SKOR2: variants seen among roughly 807,000 people sequenced by gnomAD.
SKOR2 encodes LBX1 corepressor 1-like protein.
A neutral mutation model predicts 69.1 loss-of-function variants in SKOR2; 47 were observed. The ratio of observed to expected loss-of-function variants is 0.68; its 90% CI spans 0.54 to 0.87. SKOR2 has a LOEUF of 0.87. Ranked by LOEUF, SKOR2 falls within the 40% of genes least tolerant of loss-of-function variation. SKOR2 has a pLI of 0.00. For synonymous variants in SKOR2, 717 were observed against 672.6 expected (o/e 1.07, Z -1.02); for missense variants, 1,404 against 1,472.2 (o/e 0.95, Z 0.76).
intron 4 of SKOR2, among the ~76,000 whole-genome samples, chr18:47,238,848 A>G (rs1655875369): frequency 6.6e-6 from 1 of 152,214 alleles, no homozygotes; most frequent in Non-Finnish European, 1.5e-5. Flanking sequence ...CAATCTTTGC[A>G]TGCTGCTCCC....
Position 47,247,971 on chromosome 18 carries a change from A to T in SKOR2, c.1213T>A (p.Phe405Ile). ...GCAGGGAAGGTGTAGGGGTGCGGGAAGAGCCCGCCGCAGCCCGGGAACTTC... is the reference window on the plus strand; with the variant it reads ...GCAGGGAAGGTGTAGGGGTGCGGGATGAGCCCGCCGCAGCCCGGGAACTTC... Reference protein sequence around the residue: ...LQKFPGCGGLFPHPYTFPAAA... With the variant: ...LQKFPGCGGLIPHPYTFPAAA... Residue 405 changes from phenylalanine (F) to isoleucine (I), a missense_variant, in exon 2 of 9, where the codon TTC becomes ATC. Phe to Ile is a conservative substitution (Grantham distance 21). Around this residue, in one of 3 missense-constraint regions of SKOR2, gnomAD observed 1,266 missense variants for 1,309.9 expected, o/e 0.97. Transcript: ENST00000425639. The surrounding 1 kb of genome is among the most constrained non-coding windows in gnomAD (Gnocchi z 6.6). The T allele has an allele frequency of 7.3e-7, 1 of 1,376,020 alleles. No homozygotes were observed. Among genetic ancestry groups the T allele is most frequent in the South Asian group, 1.7e-5 (1 of 59,186 alleles). The allele number at this position is 1,376,020 out of a possible 1,614,324, so 85.2% of individuals were successfully genotyped here. A position where few individuals can be genotyped will look rare whatever the true frequency, so the allele number is the denominator to read the frequency against.
rs953322244 is a variant in SKOR2, at chr18:47,248,064, C to T, written c.1120G>A (p.Ala374Thr). ...AGAGAGAGAG[A>T]KGPRSYPVIP... Reference sequence around the variant, plus strand: ...ACTGGGTAGCTGCGCGGGCCTTTGGCCCCTGCCCCGGCACCCGCCCCCGCG... The same window carrying T: ...ACTGGGTAGCTGCGCGGGCCTTTGGTCCCTGCCCCGGCACCCGCCCCCGCG... The change falls in exon 2 of 9, where the codon GCC becomes ACC. Residue 374 changes from alanine (A) to threonine (T), a missense_variant. Physicochemically the swap from Ala to Thr is moderately conservative, Grantham distance 58. This residue lies in a region of SKOR2 where 1,266 missense variants were observed against 1,309.9 expected (regional missense o/e 0.97). Transcript: ENST00000425639. The surrounding 1 kb of genome is among the most constrained non-coding windows in gnomAD (Gnocchi z 6.4). 7.1e-7 allele frequency: 1 copy of T among 1,416,012 alleles called. No individual in the cohort carries two copies. The highest frequency in any genetic ancestry group is 2.0e-4 in the Middle Eastern group (1 of 4,928). The allele number at this position is 1,416,012 out of a possible 1,614,324, so 87.7% of individuals were successfully genotyped here.
chr18:47,249,311 T>C (rs2064302846), intron 1 of SKOR2, 81 bp from the exon 2 acceptor site: 2 of 1,239,608 alleles, frequency 1.6e-6, no homozygotes, highest in African/African-American at 3.0e-5. Context: ...AACCAAAGAA[T>C]TAGAATAACT....
chr18:47,249,064 CT>C lies in SKOR2; in HGVS notation c.119del (p.Gln40ArgfsTer5). The C allele has an allele frequency of 6.5e-7, 1 of 1,537,080 alleles. No homozygotes were observed. Among genetic ancestry groups the C allele is most frequent in the Non-Finnish European group, 8.7e-7 (1 of 1,147,190 alleles). On this transcript the variant is annotated frameshift_variant, in exon 2 of 9. Coordinates refer to ENST00000425639, the MANE Select transcript of SKOR2 (RefSeq NM_001278063.4). LOFTEE classifies it high-confidence loss of function. The stretch of plus-strand genomic sequence containing the variant: ...TGCCGTAGAGGATCACCTGGCCCAC[CT>C]GGTTGGGTTTGAGGTTGGCGTGCCC... ...RPGHANLKPNQVGQVILYGIP... is the reference protein window; with the variant it reads ...RPGHANLKPNXVGQVILYGIP...
intron 4 of SKOR2, among the ~76,000 whole-genome samples, chr18:47,234,912 T>G (rs2064215676): frequency 1.4e-5 from 2 of 144,126 alleles, no homozygotes; most frequent in African/African-American, 2.6e-5. Flanking sequence ...ATTCTAACAG[T>G]GTAGAGTTGT....
Position 47,247,699 on chromosome 18 carries a change from T to C in SKOR2, c.1485A>G (p.Leu495=), listed in dbSNP as rs776310328. 6.7e-5 allele frequency: 92 copies of C among 1,365,412 alleles called. No homozygotes were observed. The highest frequency in any genetic ancestry group is 8.0e-5 in the Non-Finnish European group (85 of 1,068,534). The allele number at this position is 1,365,412 out of a possible 1,614,324, so 84.6% of individuals were successfully genotyped here. Residue 495 remains leucine (L), a synonymous_variant, in exon 2 of 9, where the codon CTA becomes CTG. Transcript: ENST00000425639. The surrounding 1 kb of genome is among the most constrained non-coding windows in gnomAD (Gnocchi z 6.6). ...LQPPPQPPSA[L]GCALGESPAL... is the part of the protein sequence containing the mutation. ...CCGGGCTTTCGCCTAGCGCGCAGCC[T>C]AGCGCCGAGGGCGGCTGAGGCGGGG...
In SKOR2 at chr18:47,206,464, TCCA is replaced by T. The variant is rs2144468537; in HGVS notation, c.*429_*431del. The T allele has an allele frequency of 6.6e-6, 1 of 152,340 alleles. No individual in the cohort carries two copies. The highest frequency in any genetic ancestry group is 6.5e-5 in the Admixed American group (1 of 15,284). 9.4% of individuals were successfully genotyped at this position (152,340 alleles called of 1,614,324 possible). A position where few individuals can be genotyped will look rare whatever the true frequency, so the allele number is the denominator to read the frequency against. The stretch of plus-strand genomic sequence containing the variant: ...TCCTAGGATGGGTCTTGTGTTTTCT[TCCA>T]CCAAGAATCACTTCTTCAAAAAGAG... On this transcript the variant is annotated 3_prime_UTR_variant, in exon 9 of 9. Coordinates refer to ENST00000425639, the MANE Select transcript of SKOR2 (RefSeq NM_001278063.4).
intron 8 of SKOR2, among the ~76,000 whole-genome samples, chr18:47,208,112 T>C (rs1433667335): frequency 1.3e-5 from 2 of 152,250 alleles, no homozygotes; most frequent in East Asian, 3.9e-4. Context: ...CTCAAAGAGA[T>C]TAAATGATGT....
chr18:47,212,183 G>A (rs1041875355), intron 7 of SKOR2, 32 bp from the exon 8 acceptor site: 1 of 1,231,466 alleles, frequency 8.1e-7, no homozygotes, highest in Admixed American at 4.2e-5. Context: ...CACCATCCAG[G>A]TAAGCTAGAT....
chr18:47,211,986 A>G (rs1304302011), intron 8 of SKOR2, 100 bp downstream of exon 8: 2 of 1,114,814 alleles, frequency 1.8e-6, no homozygotes, highest in Non-Finnish European at 2.3e-6. Context: ...ATGCAACTTT[A>G]CCAATCCCTT....
At chr18:47,218,910 T>TC (rs2064152510) in intron 7 of SKOR2, among the ~76,000 whole-genome samples, 1 of 152,226 alleles carries the variant, frequency 6.6e-6, no homozygotes, top group African/African-American at 2.4e-5. Flanking sequence ...TTGTTAACGA[T>TC]CACTTGAGAT....
intron 4 of SKOR2, chr18:47,231,211 G>A (rs2064196969): frequency 6.6e-7 from 1 of 1,518,914 alleles, no homozygotes; most frequent in Non-Finnish European, 8.8e-7. Context: ...GAGCCTGCCT[G>A]GCCTGTGATG....
rs1436220872 is a variant in SKOR2 at position 47,230,858 on chromosome 18, A to T, written c.2818+77T>A. On this transcript the variant is annotated intron_variant, in intron 5 of 8. Coordinates refer to ENST00000425639, the MANE Select transcript of SKOR2 (RefSeq NM_001278063.4). ...TTGTCAAGCTAAAAATATGGTGGAGAACAAAAATATCCTCCTATTATCTCC... is the reference window on the plus strand; with the variant it reads ...TTGTCAAGCTAAAAATATGGTGGAGTACAAAAATATCCTCCTATTATCTCC... 3 of 1,420,806 alleles carry T rather than the reference A, an allele frequency of 2.1e-6. No homozygotes were observed. The East Asian group carries it at 7.5e-5, about 35-fold the overall frequency. The allele number at this position is 1,420,806 out of a possible 1,614,324, so 88.0% of individuals were successfully genotyped here. A position where few individuals can be genotyped will look rare whatever the true frequency, so the allele number is the denominator to read the frequency against.
intron 3 of SKOR2, 64 bp from the exon 4 acceptor site, chr18:47,245,046 C>A: frequency 7.1e-7 from 1 of 1,399,512 alleles, no homozygotes; most frequent in Non-Finnish European, 9.6e-7. Flanking sequence ...CACAAAGATC[C>A]AATTTTTTTT....
At chr18:47,225,552 C>T (rs904011443) in intron 6 of SKOR2, among the ~76,000 whole-genome samples, 1 of 152,172 alleles carries the variant, frequency 6.6e-6, no homozygotes, top group Non-Finnish European at 1.5e-5. Context: ...TTCCCTGAAT[C>T]TATTTACAAT....
rs1316678516 is a variant in SKOR2 at position 47,245,492 on chromosome 18, T to TTTTTTTTTTTTTTTTTTTTTTTTTC, written c.2677+5_2677+6insGAAAAAAAAAAAAAAAAAAAAAAAA. 6.8e-7 allele frequency: 1 copy of TTTTTTTTTTTTTTTTTTTTTTTTTC among 1,475,982 alleles called. No homozygotes were observed. Among genetic ancestry groups the TTTTTTTTTTTTTTTTTTTTTTTTTC allele is most frequent in the Admixed American group, 2.6e-5 (1 of 39,094 alleles). The allele number at this position is 1,475,982 out of a possible 1,614,324, so 91.4% of individuals were successfully genotyped here. A position where few individuals can be genotyped will look rare whatever the true frequency, so the allele number is the denominator to read the frequency against. On this transcript the variant is annotated splice_donor_region_variant and intron_variant, in intron 3 of 8. Transcript: ENST00000425639. Reference sequence around the variant, plus strand: ...AGTGGCAGCTGATTTTTTTTTTTTTTTTTACCTGAAAAGCTGTTGTCATCC... The same window carrying TTTTTTTTTTTTTTTTTTTTTTTTTC: ...AGTGGCAGCTGATTTTTTTTTTTTTTTTTTTTTTTTTTTTTTTTTTTTTTCTTTACCTGAAAAGCTGTTGTCATCC...
At position 47,248,651 on chromosome 18, in the gene SKOR2, T is replaced by C; in HGVS notation, c.533A>G (p.Asn178Ser). ...RAKCIKCSYC[N>S]MYFSPNKFIF... is the part of the protein sequence containing the mutation. ...GAACTTGTTGGGCGAGAAGTACATG[T>C]TGCAGTAGCTGCATTTGATGCACTT... The change falls in exon 2 of 9, where the codon AAC becomes AGC. Residue 178 changes from asparagine (N) to serine (S), a missense_variant. Physicochemically the swap from Asn to Ser is conservative, Grantham distance 46 (BLOSUM62 1). Transcript: ENST00000425639. The surrounding 1 kb of genome is among the most constrained non-coding windows in gnomAD (Gnocchi z 6.4). The C allele has an allele frequency of 1.3e-6, 2 of 1,565,158 alleles. No homozygotes were observed. Among genetic ancestry groups the C allele is most frequent in the South Asian group, 2.3e-5 (2 of 86,278 alleles).
At chr18:47,246,468 A>C in intron 2 of SKOR2, 103 bp downstream of exon 2, 1 of 1,330,580 alleles carries the variant, frequency 7.5e-7, no homozygotes, top group Non-Finnish European at 9.7e-7. Context: ...TTCTGTGGGG[A>C]AATCTGGTGA....
chr18:47,220,435 G>A lies in SKOR2; in HGVS notation c.2918-425C>T, dbSNP rs752444260. On this transcript the variant is annotated intron_variant, in intron 6 of 8. Coordinates refer to ENST00000425639, the MANE Select transcript of SKOR2 (RefSeq NM_001278063.4). Reference sequence around the variant, plus strand: ...GCCCCTCCTGCACATAATACCTTCCGGGTAAATAAGATGTGAGTCTGTGAA... The same window carrying A: ...GCCCCTCCTGCACATAATACCTTCCAGGTAAATAAGATGTGAGTCTGTGAA... 5.9e-5 allele frequency among the ~76,000 whole-genome samples: 9 copies of A among 152,000 alleles called. 1 individual carries two copies. In the South Asian group the frequency reaches 6.2e-4, roughly 11 times the overall value.
Sources: gnomAD v4.1 joint callset for allele counts (sites outside exome capture counted in the v4.1 genomes callset) on GRCh38, gnomAD v4.1.1 for gene constraint, gnomAD v4.1.1 regional missense constraint, Gnocchi (gnomAD v3.1) non-coding constraint, MANE v1.5 for transcripts, NCBI Gene and HGNC (gene_info 2026-07-23, HGNC 2026-07-21) for gene names.